The following EMC10 variants were observed in gnomAD, a reference collection of about 807,000 sequenced individuals.
The protein encoded by EMC10 is UPF0510 protein INM02.
A neutral mutation model predicts 32.2 loss-of-function variants in EMC10; 40 were observed. The ratio of observed to expected loss-of-function variants is 1.24; its 90% CI spans 0.96 to 1.61. The LOEUF is 1.61. Among genes scored for constraint, EMC10 ranks in the 40% most tolerant of loss-of-function variants. EMC10 has a pLI of 0.00. For missense variants in EMC10, 402 were observed against 357.7 expected (o/e 1.12, Z -1.00); for synonymous variants, 178 against 158.4 (o/e 1.12, Z -0.93).
At chr19:50,479,867 T>A (rs1461253531) in intron 3 of EMC10, among the ~76,000 whole-genome samples, 2 of 152,242 alleles carry the variant, frequency 1.3e-5, no homozygotes, top group Admixed American at 1.3e-4. Context: ...TGGGCTGGGC[T>A]TTGCCCTCCT....
rs1366185675 is a variant in EMC10 at position 50,482,542 on chromosome 19, TC to T, written c.*285del. On this transcript the variant is annotated 3_prime_UTR_variant, in exon 7 of 7. Transcript: ENST00000334976. ...CCTGCCCATGGAGTAGAGCCCGAGATCCTGGCCACTATGCCAGTTCTGACCT... is the reference window on the plus strand; with the variant it reads ...CCTGCCCATGGAGTAGAGCCCGAGATCTGGCCACTATGCCAGTTCTGACCT... The T allele has an allele frequency of 3.6e-6, 2 of 549,440 alleles. No homozygotes were observed. Among genetic ancestry groups the T allele is most frequent in the Non-Finnish European group, 6.4e-6 (2 of 312,612 alleles). The allele number at this position is 549,440 out of a possible 1,614,324, so 34.0% of individuals were successfully genotyped here. A position where few individuals can be genotyped will look rare whatever the true frequency, so the allele number is the denominator to read the frequency against.
chr19:50,480,824 A>G lies in EMC10; in HGVS notation c.585-60A>G, dbSNP rs2040308228. On this transcript the variant is annotated intron_variant, in intron 5 of 6. Coordinates refer to ENST00000334976, the MANE Select transcript of EMC10 (RefSeq NM_206538.4). This position sits in a 1 kb window ranked among gnomAD's most constrained non-coding sequence, Gnocchi z 4.4. The stretch of plus-strand genomic sequence containing the variant: ...TGCCCCGGCCCTTCCTGGCGGCCTC[A>G]GGGTCTCCAGGTCCCTGGACTCCGG... The G allele has an allele frequency of 2.6e-6, 4 of 1,566,112 alleles. No individual in the cohort carries two copies. The highest frequency in any genetic ancestry group is 2.6e-6 in the Non-Finnish European group (3 of 1,152,938).
At chr19:50,481,064 CT>C in intron 6 of EMC10, 87 bp downstream of exon 6, 5 of 1,053,168 alleles carry the variant, frequency 4.7e-6, no homozygotes, top group Non-Finnish European at 7.1e-6. Context: ...CCAGACTCCC[CT>C]ATGGTGCTCG....
At chr19:50,478,922 G>T (rs1477153825) in intron 2 of EMC10, 35 bp from the exon 3 acceptor site, 4 of 1,527,254 alleles carry the variant, frequency 2.6e-6, no homozygotes, top group Non-Finnish European at 3.6e-6. Context: ...GGGTGGGCGG[G>T]GGAGGGGGCG....
Position 50,484,858 on chromosome 19 carries a change from C to T in EMC10, c.*2599C>T, listed in dbSNP as rs985684134. The T allele has an allele frequency of 6.6e-6, 1 of 152,192 alleles. No individual in the cohort carries two copies. Among genetic ancestry groups the T allele is most frequent in the Non-Finnish European group, 1.5e-5 (1 of 68,062 alleles). 9.4% of individuals were successfully genotyped at this position (152,192 alleles called of 1,614,324 possible). ...GAATAGACAAAAGATGCAGTGGAAT[C>T]CACGTCCAGAAACTGTATGCTCACT... On this transcript the variant is annotated 3_prime_UTR_variant, in exon 7 of 7. Transcript: ENST00000334976.
rs375521469 is a variant in EMC10, at chr19:50,481,926, G to A, written c.679-223G>A. 918 of 1,605,374 alleles carry A rather than the reference G, an allele frequency of 5.7e-4. No individual in the cohort carries two copies. The highest frequency in any genetic ancestry group is 7.5e-4 in the Non-Finnish European group (879 of 1,178,066). On this transcript the variant is annotated intron_variant, in intron 6 of 6. Transcript: ENST00000334976. ...TGCGTCCTGCTGCGCCAGGGCCCGC[G>A]CCACCGCCACAGGAGGCCTGAGTGA...
chr19:50,481,505 G>A (rs1305784911), intron 6 of EMC10: 3 of 294,510 alleles, frequency 1.0e-5, no homozygotes, highest in Non-Finnish European at 1.9e-5. Flanking sequence ...ACAGCCGGAG[G>A]AGGTGGCTTC....
Position 50,482,553 on chromosome 19 carries a change from A to AT in EMC10, c.*295dup, listed in dbSNP as rs1182685918. 8 of 540,050 alleles carry AT rather than the reference A, an allele frequency of 1.5e-5. No homozygotes were observed. The East Asian group carries it at 2.5e-4, about 17-fold the overall frequency. 33.5% of individuals were successfully genotyped at this position (540,050 alleles called of 1,614,324 possible). A position where few individuals can be genotyped will look rare whatever the true frequency, so the allele number is the denominator to read the frequency against. ...AGTAGAGCCCGAGATCCTGGCCACT[A>AT]TGCCAGTTCTGACCTCGCATCCCCC... On this transcript the variant is annotated 3_prime_UTR_variant, in exon 7 of 7. Coordinates refer to ENST00000334976, the MANE Select transcript of EMC10 (RefSeq NM_206538.4).
chr19:50,479,854 C>T (rs538629713), intron 3 of EMC10, among the ~76,000 whole-genome samples: 5 of 152,360 alleles, frequency 3.3e-5, no homozygotes, highest in African/African-American at 1.2e-4. Context: ...CCCACTCCAT[C>T]GCTGGGCTGG....
chr19:50,479,255 C>A (rs1012800810), intron 3 of EMC10, among the ~76,000 whole-genome samples, 189 bp downstream of exon 3: 1 of 152,194 alleles, frequency 6.6e-6, no homozygotes, highest in Non-Finnish European at 1.5e-5. Context: ...TTCGTCTTAG[C>A]GCCGCCAGGC....
chr19:50,487,591 G>T lies in EMC10; in HGVS notation c.*5332G>T. 1 of 152,538 alleles carries T rather than the reference G, an allele frequency of 6.6e-6. No homozygotes were observed. Among genetic ancestry groups the T allele is most frequent in the Non-Finnish European group, 1.5e-5 (1 of 68,190 alleles). The allele number at this position is 152,538 out of a possible 1,614,324, so 9.4% of individuals were successfully genotyped here. On this transcript the variant is annotated 3_prime_UTR_variant, in exon 7 of 7. Coordinates refer to ENST00000334976, the MANE Select transcript of EMC10 (RefSeq NM_206538.4). ...TGGGGGCCCTGCTCAGGGCTAGCCT[G>T]TTTGGGCCTCGGTATGGACTCCTGC...
At position 50,478,981 on chromosome 19, in the gene EMC10, G is replaced by A. The variant is rs757403860; in HGVS notation, c.212G>A (p.Arg71Gln). 16 of 1,610,458 alleles carry A rather than the reference G, an allele frequency of 9.9e-6. No homozygotes were observed. The highest frequency in any genetic ancestry group is 2.0e-4 in the Middle Eastern group (1 of 4,944). Residue 71 changes from arginine to glutamine, a missense_variant, in exon 3 of 7, where the codon CGG becomes CAG. Physicochemically the swap from Arg to Gln is conservative, Grantham distance 43 (BLOSUM62 1). Coordinates refer to ENST00000334976, the MANE Select transcript of EMC10 (RefSeq NM_206538.4). ...EIDDSANFRK[R>Q]GSLLWNQQDG... ...GATGACAGTGCCAACTTCCGGAAGC[G>A]GGGCTCACTGCTCTGGAACCAGCAG...
In EMC10 at chr19:50,480,642, A is replaced by G. The variant is rs2040303711; in HGVS notation, c.464A>G (p.Asn155Ser). 2.5e-6 allele frequency: 4 copies of G among 1,587,592 alleles called. No homozygotes were observed. The highest frequency in any genetic ancestry group is 2.3e-5 in the East Asian group (1 of 43,382). The change falls in exon 5 of 7, where the codon AAC (asparagine) becomes AGC (serine). Residue 155 changes from asparagine to serine, a missense_variant. Physicochemically the swap from Asn to Ser is conservative, Grantham distance 46 (BLOSUM62 1). Coordinates refer to ENST00000334976, the MANE Select transcript of EMC10 (RefSeq NM_206538.4). The surrounding 1 kb of genome is among the most constrained non-coding windows in gnomAD (Gnocchi z 4.4). ...QLTLHVDVAGNVVGVSVVTHP... is the reference protein window; with the variant it reads ...QLTLHVDVAGSVVGVSVVTHP... The stretch of plus-strand genomic sequence containing the variant: ...ACCCTGCACGTGGATGTGGCCGGCA[A>G]CGTGGTGGGCGTGTCGGTGGTGACG...
chr19:50,476,569 A>G lies in EMC10; in HGVS notation c.25A>G (p.Thr9Ala), dbSNP rs1039504816. The change falls in exon 1 of 7, where the codon ACC (threonine) becomes GCC (alanine). Residue 9 changes from threonine to alanine, a missense_variant. Physicochemically the swap from Thr to Ala is moderately conservative, Grantham distance 58 (BLOSUM62 0). Transcript: ENST00000334976. MAAASAGA[T>A]RLLLLLLMAV... ...GATGGCGGCAGCCAGCGCTGGGGCA[A>G]CCCGGCTGCTCCTGCTCTTGCTGAT... The G allele has an allele frequency of 4.4e-6, 7 of 1,574,956 alleles. No homozygotes were observed. The African/African-American group carries it at 5.4e-5, about 12-fold the overall frequency.
At chr19:50,479,800 G>A (rs1213558668) in intron 3 of EMC10, among the ~76,000 whole-genome samples, 2 of 152,344 alleles carry the variant, frequency 1.3e-5, no homozygotes, top group South Asian at 2.1e-4. Flanking sequence ...TAGGGTGGAC[G>A]CCAGGTGCAG....
At chr19:50,477,816 G>T in intron 1 of EMC10, 113 bp from the exon 2 acceptor site, 1 of 707,024 alleles carries the variant, frequency 1.4e-6, no homozygotes, top group Non-Finnish European at 2.3e-6. Context: ...TGATTAACTT[G>T]AAGATAAGGC....
intron 6 of EMC10, chr19:50,481,246 G>A (rs1768631561): frequency 2.3e-6 from 1 of 437,834 alleles, no homozygotes; most frequent in Non-Finnish European, 4.0e-6. Flanking sequence ...GGCTGGAGAG[G>A]AAGGGAACAG....
Position 50,482,293 on chromosome 19 carries a change from C to G in EMC10, c.*34C>G. ...GCTGGTCAGCGTCCCGTCTTGCACA[C>G]CCAGGGGCCTCCCTTTCTGCTGGAG... On this transcript the variant is annotated 3_prime_UTR_variant, in exon 7 of 7. Transcript: ENST00000334976. 1 of 872,578 alleles carries G rather than the reference C, an allele frequency of 1.1e-6. No homozygotes were observed. Among genetic ancestry groups the G allele is most frequent in the Admixed American group, 2.2e-5 (1 of 45,830 alleles). The allele number at this position is 872,578 out of a possible 1,614,324, so 54.1% of individuals were successfully genotyped here.
In EMC10 at chr19:50,482,478, G is replaced by C; in HGVS notation, c.*219G>C. The stretch of plus-strand genomic sequence containing the variant: ...ACAGCAGCCGGTGTCTCCTGCGCCC[G>C]CCTCCCCCATGGCCCCATGCAGCCC... On this transcript the variant is annotated 3_prime_UTR_variant, in exon 7 of 7. Transcript: ENST00000334976. 1 of 582,556 alleles carries C rather than the reference G, an allele frequency of 1.7e-6. No individual in the cohort carries two copies. Among genetic ancestry groups the C allele is most frequent in the South Asian group, 2.1e-5 (1 of 47,672 alleles). The allele number at this position is 582,556 out of a possible 1,614,324, so 36.1% of individuals were successfully genotyped here.
Sources: gnomAD v4.1 joint callset for allele counts (sites outside exome capture counted in the v4.1 genomes callset) on GRCh38, gnomAD v4.1.1 for gene constraint, Gnocchi (gnomAD v3.1) non-coding constraint, MANE v1.5 for transcripts, NCBI Gene and HGNC (gene_info 2026-07-23, HGNC 2026-07-21) for gene names.